WDPCP: variants seen among roughly 807,000 people sequenced by gnomAD.
WDPCP encodes the protein WD repeat containing planar cell polarity effector.
Under a neutral mutation model 93.1 loss-of-function variants are expected in WDPCP, and 71 were observed. The ratio of observed to expected loss-of-function variants is 0.76; its 90% CI spans 0.63 to 0.93. The LOEUF is 0.93. Among genes scored for constraint, WDPCP ranks in the 40% least tolerant of loss-of-function variants. WDPCP has a pLI of 0.00. For synonymous variants in WDPCP, 315 were observed against 315.0 expected (o/e 1.00, Z 0.00); for missense variants, 844 against 887.4 (o/e 0.95, Z 0.62).
chr2:63,639,443 G>A (rs1423072746), intron 3 of WDPCP, among the ~76,000 whole-genome samples: 1 of 152,090 alleles, frequency 6.6e-6, no homozygotes, highest in African/African-American at 2.4e-5. Flanking sequence ...ACCTAACCTG[G>A]CCTAGAAGTT....
intron 2 of WDPCP, among the ~76,000 whole-genome samples, chr2:63,757,210 C>A (rs1393281891): frequency 6.6e-6 from 1 of 152,170 alleles, no homozygotes; most frequent in African/African-American, 2.4e-5. Flanking sequence ...GACCAATAAG[C>A]AAAAGGAGCA....
chr2:63,388,488 TCTC>T (rs1295747719), intron 10 of WDPCP, among the ~76,000 whole-genome samples: 15 of 152,074 alleles, frequency 9.9e-5, no homozygotes, highest in Admixed American at 1.3e-4. Context: ...GAGCGCCTCT[TCTC>T]CTCCAAAGGA....
intron 12 of WDPCP, among the ~76,000 whole-genome samples, chr2:63,354,714 A>ATGTG (rs150962868): frequency 2.1e-4 from 32 of 149,948 alleles, no homozygotes; most frequent in African/African-American, 5.9e-4. Context: ...GTATATATGT[A>ATGTG]TGTGTGTGTG....
At chr2:63,153,005 A>T (rs1671986376) in intron 16 of WDPCP, 60 bp from the exon 17 acceptor site, 1 of 1,433,060 alleles carries the variant, frequency 7.0e-7, no homozygotes, top group East Asian at 2.3e-5. Context: ...CCTTAAGAAA[A>T]TTTTTTTACA....
chr2:63,664,457 G>C (rs534743647), intron 2 of WDPCP, among the ~76,000 whole-genome samples: 29 of 152,310 alleles, frequency 1.9e-4, no homozygotes, highest in African/African-American at 6.0e-4. Context: ...CTGGATACTG[G>C]AGGTGCTGCT....
chr2:63,191,706 G>T (rs1470103810), intron 14 of WDPCP, among the ~76,000 whole-genome samples: 2 of 152,070 alleles, frequency 1.3e-5, no homozygotes, highest in Admixed American at 6.6e-5. Flanking sequence ...ACTTCTAAAG[G>T]CATCAAACTA....
intron 2 of WDPCP, among the ~76,000 whole-genome samples, chr2:63,706,301 G>A (rs1384105618): frequency 2.0e-5 from 3 of 152,090 alleles, no homozygotes; most frequent in Non-Finnish European, 4.4e-5. Context: ...TTACATTTAA[G>A]GTTAGTATTG....
chr2:63,324,398 C>T (rs1687364810), intron 12 of WDPCP, among the ~76,000 whole-genome samples: 1 of 152,056 alleles, frequency 6.6e-6, no homozygotes, highest in African/African-American at 2.4e-5. Context: ...CCACAAAAAC[C>T]CCCGGGCTAT....
At chr2:63,644,060 T>A (rs1431601700) in intron 3 of WDPCP, 1 of 376,994 alleles carries the variant, frequency 2.7e-6, no homozygotes, top group Non-Finnish European at 5.2e-6. Context: ...GTGCTAGGCA[T>A]AGAAAGAGTG....
At chr2:63,238,834 T>A (rs1399833955) in intron 14 of WDPCP, among the ~76,000 whole-genome samples, 2 of 152,168 alleles carry the variant, frequency 1.3e-5, no homozygotes, top group African/African-American at 4.8e-5. Flanking sequence ...GACCTGGCAT[T>A]ACTTCAGTTA....
At chr2:63,620,557 G>C (rs1242687555) in intron 3 of WDPCP, among the ~76,000 whole-genome samples, 1 of 152,134 alleles carries the variant, frequency 6.6e-6, no homozygotes, top group African/African-American at 2.4e-5. Context: ...CATCTCCCTG[G>C]GACAGAGCAC....
At chr2:63,303,741 G>A (rs1020542182) in intron 13 of WDPCP, among the ~76,000 whole-genome samples, 1 of 152,012 alleles carries the variant, frequency 6.6e-6, no homozygotes, top group Non-Finnish European at 1.5e-5. Context: ...GGCTCTCTGG[G>A]GCAATGGGAA....
intron 2 of WDPCP, among the ~76,000 whole-genome samples, chr2:63,763,317 G>A (rs36042418): frequency 0.22 from 33,692 of 151,812 alleles, 5,024 homozygotes; most frequent in East Asian, 0.74. Context: ...CAGCCTGGCC[G>A]ATATAGTGAA....
intron 1 of WDPCP, among the ~76,000 whole-genome samples, chr2:63,544,475 A>G (rs1304018420): frequency 6.6e-6 from 1 of 152,172 alleles, no homozygotes; most frequent in African/African-American, 2.4e-5. Context: ...ACATATTTCA[A>G]ATGTGTTCAA....
chr2:63,390,116 C>A (rs1380744250), intron 10 of WDPCP, among the ~76,000 whole-genome samples: 5 of 152,186 alleles, frequency 3.3e-5, no homozygotes, highest in Admixed American at 1.3e-4. Flanking sequence ...CCACATTGCA[C>A]TTATTCTAAA....
At chr2:63,651,507 C>G (rs1710109379) in intron 2 of WDPCP, among the ~76,000 whole-genome samples, 1 of 151,648 alleles carries the variant, frequency 6.6e-6, no homozygotes, top group Admixed American at 6.6e-5. Context: ...GAAATTGGCT[C>G]ATACAATGTG....
At chr2:63,575,401 ATATATACAGTATATACACTGTATACAGTG>A (rs1707895874) in intron 1 of WDPCP, among the ~76,000 whole-genome samples, 5 of 21,472 alleles carry the variant, frequency 2.3e-4, no homozygotes, top group African/African-American at 3.1e-4. Context: ...TATATACAGT[ATATATACAGTATATACACTGTATACAGTG>A]TATATACAGT....
At chr2:63,127,990 T>G (rs1193035938) in intron 17 of WDPCP, among the ~76,000 whole-genome samples, 1 of 151,792 alleles carries the variant, frequency 6.6e-6, no homozygotes, top group African/African-American at 2.4e-5. Context: ...AATAAACAAA[T>G]TAGCCGGGTG....
At chr2:63,744,529 G>C (rs895523419) in intron 2 of WDPCP, among the ~76,000 whole-genome samples, 1 of 152,102 alleles carries the variant, frequency 6.6e-6, no homozygotes, top group African/African-American at 2.4e-5. Context: ...ACAGAACTCA[G>C]ACTCTCTGGA....
Sources: allele counts gnomAD v4.1 joint callset (sites outside exome capture counted in the v4.1 genomes callset), GRCh38; gene constraint gnomAD v4.1.1; transcripts MANE v1.5; gene names NCBI Gene and HGNC (gene_info 2026-07-23, HGNC 2026-07-21).